Variants in PRKAG2 observed in about 807,000 individuals in gnomAD.
The protein encoded by PRKAG2 is 5'-AMP-activated protein kinase subunit gamma-2.
In PRKAG2, 26 loss-of-function variants were observed where a neutral mutation model predicts 69.6. The observed-to-expected ratio is 0.37, with a 90% CI of 0.27 to 0.52. The LOEUF (loss-of-function observed/expected upper bound fraction) is 0.52. Ranked by LOEUF, PRKAG2 falls within the 20% of genes least tolerant of loss-of-function variation. PRKAG2 has a pLI of 0.90. For synonymous variants in PRKAG2, 293 were observed against 285.0 expected, an observed-to-expected ratio of 1.03 and a Z score of -0.28; for missense variants, 557 against 740.0, an observed-to-expected ratio of 0.75 and a Z score of 2.87.
Position 151,632,147 on chromosome 7 carries a change from G to A in PRKAG2, c.685-9C>T, listed in dbSNP as rs1824696243. On this transcript the variant is annotated splice_polypyrimidine_tract_variant and intron_variant, in intron 4 of 15. Transcript: ENST00000287878. This position sits in a 1 kb window ranked among gnomAD's most constrained non-coding sequence, Gnocchi z 4.2. Reference sequence around the variant, plus strand: ...GCCGCCGCCAGCGCCGCCTGAGGGGGAGGAGGAGGACAGCGATCAGCATGA... The same window carrying A: ...GCCGCCGCCAGCGCCGCCTGAGGGGAAGGAGGAGGACAGCGATCAGCATGA... 1.4e-6 allele frequency: 2 copies of A among 1,389,012 alleles called. No individual in the cohort carries two copies. The highest frequency in any genetic ancestry group is 1.9e-6 in the Non-Finnish European group (2 of 1,057,736). 86.0% of individuals were successfully genotyped at this position (1,389,012 alleles called of 1,614,324 possible).
intron 1 of PRKAG2, among the ~76,000 whole-genome samples, chr7:151,827,798 G>C (rs2078942475): frequency 6.8e-6 from 1 of 146,030 alleles, no homozygotes; most frequent in Non-Finnish European, 1.5e-5. Flanking sequence ...GCCTGTCGTG[G>C]TATGACTTCC....
At chr7:151,874,138 A>ATATATG (rs1005244042) in intron 1 of PRKAG2, among the ~76,000 whole-genome samples, 2 of 129,762 alleles carry the variant, frequency 1.5e-5, no homozygotes, top group Non-Finnish European at 3.3e-5. Flanking sequence ...ATGTATATGT[A>ATATATG]TATATGTATA....
At chr7:151,586,498 G>A (rs532670572) in intron 6 of PRKAG2, among the ~76,000 whole-genome samples, 3 of 152,202 alleles carry the variant, frequency 2.0e-5, no homozygotes, top group Middle Eastern at 3.4e-3. Flanking sequence ...CCAATATCAC[G>A]AACAGGTTAG....
rs931129048 is a variant in PRKAG2 at position 151,756,835 on chromosome 7, G to A, written c.466+24317C>T. Among the ~76,000 whole-genome samples, 1 of 152,130 alleles carries A rather than the reference G, an allele frequency of 6.6e-6. No individual in the cohort carries two copies. The highest frequency in any genetic ancestry group is 2.1e-4 in the South Asian group (1 of 4,820). Reference sequence around the variant, plus strand: ...CCACATAATCAGAACTGTGACGTCCGTGTATTAAACTCCATCTGCTTTTAG... The same window carrying A: ...CCACATAATCAGAACTGTGACGTCCATGTATTAAACTCCATCTGCTTTTAG... On this transcript the variant is annotated intron_variant, in intron 3 of 15. Coordinates refer to ENST00000287878, the MANE Select transcript of PRKAG2 (RefSeq NM_016203.4). The surrounding 1 kb of genome is among the most constrained non-coding windows in gnomAD (Gnocchi z 4.9).
At position 151,781,197 on chromosome 7, in the gene PRKAG2, C is replaced by A; in HGVS notation, c.421G>T (p.Ala141Ser). The change falls in exon 3 of 16, where the codon GCT (alanine) becomes TCT (serine). Residue 141 changes from alanine to serine, a missense_variant. Ala to Ser is a moderately conservative substitution (Grantham distance 99, BLOSUM62 1). Coordinates refer to ENST00000287878, the MANE Select transcript of PRKAG2 (RefSeq NM_016203.4). The surrounding 1 kb of genome is among the most constrained non-coding windows in gnomAD (Gnocchi z 6.1). The stretch of plus-strand genomic sequence containing the variant: ...AACCTGATGCCCCCGGGCGAGGTAG[C>A]AGGGTTGGAGTTGGGGGAAGACTCT... ...SKESSPNSNP[A>S]TSPGGIRFFS... The A allele has an allele frequency of 1.2e-6, 2 of 1,614,088 alleles. No homozygotes were observed. The highest frequency in any genetic ancestry group is 4.5e-5 in the East Asian group (2 of 44,870).
At chr7:151,630,059 C>T (rs1309618783) in intron 5 of PRKAG2, among the ~76,000 whole-genome samples, 3 of 152,204 alleles carry the variant, frequency 2.0e-5, no homozygotes, top group Non-Finnish European at 1.5e-5. Flanking sequence ...GTTTAACATT[C>T]TGCCTCCTTA....
intron 1 of PRKAG2, among the ~76,000 whole-genome samples, chr7:151,804,490 C>T (rs534498490): frequency 2.0e-5 from 3 of 152,268 alleles, no homozygotes; most frequent in African/African-American, 7.2e-5. Flanking sequence ...TGAATTACCT[C>T]CACCTGCTCT....
chr7:151,832,489 G>C (rs544280995), intron 1 of PRKAG2, among the ~76,000 whole-genome samples: 1 of 151,896 alleles, frequency 6.6e-6, no homozygotes, highest in African/African-American at 2.4e-5. Flanking sequence ...TTAGGTCCAC[G>C]AGAAAGGGAG....
intron 4 of PRKAG2, among the ~76,000 whole-genome samples, chr7:151,651,864 G>A (rs1414233019): frequency 2.0e-5 from 3 of 152,166 alleles, no homozygotes; most frequent in Non-Finnish European, 1.5e-5. Flanking sequence ...AACTCATAAA[G>A]GCAGCGAGTA....
In PRKAG2 at chr7:151,756,946, C is replaced by T. The variant is rs1467465213; in HGVS notation, c.466+24206G>A. ...CAGGAGACGATTCAGACGGGGTCAG[C>T]GCTGCGATTCGGGGGAGTAACCAGC... On this transcript the variant is annotated intron_variant, in intron 3 of 15. Transcript: ENST00000287878. The surrounding 1 kb of genome is among the most constrained non-coding windows in gnomAD (Gnocchi z 4.9). Among the ~76,000 whole-genome samples, 3 of 152,158 alleles carry T rather than the reference C, an allele frequency of 2.0e-5. No individual in the cohort carries two copies. Among genetic ancestry groups the T allele is most frequent in the South Asian group, 2.1e-4 (1 of 4,830 alleles).
At chr7:151,809,710 C>G (rs2151850982) in intron 1 of PRKAG2, 1 of 158,570 alleles carries the variant, frequency 6.3e-6, no homozygotes, top group South Asian at 1.8e-4. Flanking sequence ...GGCGGGAAGG[C>G]CTTAGGTACT....
intron 1 of PRKAG2, among the ~76,000 whole-genome samples, chr7:151,833,080 G>C (rs764814620): frequency 4.6e-5 from 7 of 152,250 alleles, no homozygotes; most frequent in Non-Finnish European, 1.0e-4. Flanking sequence ...CACGAAGCTG[G>C]CTTTCCAGTG....
intron 5 of PRKAG2, among the ~76,000 whole-genome samples, chr7:151,624,273 G>A (rs1007557197): frequency 6.6e-6 from 1 of 151,614 alleles, no homozygotes; most frequent in African/African-American, 2.4e-5. Flanking sequence ...CCTGGACTCA[G>A]GAGGCATGGG....
chr7:151,674,394 C>T (rs1832568024), intron 4 of PRKAG2, among the ~76,000 whole-genome samples: 2 of 152,170 alleles, frequency 1.3e-5, no homozygotes, highest in African/African-American at 2.4e-5. Flanking sequence ...CTATGTCATG[C>T]CCCAGTGACA....
chr7:151,856,473 C>A (rs986177576), intron 1 of PRKAG2, among the ~76,000 whole-genome samples: 2 of 152,216 alleles, frequency 1.3e-5, no homozygotes, highest in African/African-American at 4.8e-5. Context: ...GACGAAAAGA[C>A]GTCCTGCAGG....
At chr7:151,742,163 T>A (rs2073938747) in intron 3 of PRKAG2, among the ~76,000 whole-genome samples, 1 of 152,152 alleles carries the variant, frequency 6.6e-6, no homozygotes, top group African/African-American at 2.4e-5. Context: ...CCTTCCACCA[T>A]ACCATACTTT....
chr7:151,852,425 G>A (rs2079594324), intron 1 of PRKAG2, among the ~76,000 whole-genome samples: 1 of 152,132 alleles, frequency 6.6e-6, no homozygotes, highest in Admixed American at 6.5e-5. Flanking sequence ...AACCCAGGGG[G>A]TGGAGGTTGC....
At chr7:151,799,190 G>A (rs956472739) in intron 1 of PRKAG2, among the ~76,000 whole-genome samples, 1 of 152,194 alleles carries the variant, frequency 6.6e-6, no homozygotes, top group African/African-American at 2.4e-5. Flanking sequence ...TTCTGTTACA[G>A]GTGGGGTAAC....
chr7:151,702,955 G>T (rs368553231), intron 3 of PRKAG2, among the ~76,000 whole-genome samples: 1 of 152,158 alleles, frequency 6.6e-6, no homozygotes, highest in East Asian at 1.9e-4. Flanking sequence ...ATGTCAAACT[G>T]CCAAGGGCAC....
Sources: gnomAD v4.1 joint callset for allele counts (sites outside exome capture counted in the v4.1 genomes callset) on GRCh38, gnomAD v4.1.1 for gene constraint, Gnocchi (gnomAD v3.1) non-coding constraint, MANE v1.5 for transcripts, NCBI Gene and HGNC (gene_info 2026-07-23, HGNC 2026-07-21) for gene names.